Variants in RFX6 observed in about 807,000 individuals in gnomAD.
RFX6 encodes the protein regulatory factor X6.
Under a neutral mutation model 110.8 loss-of-function variants are expected in RFX6, and 50 were observed. The ratio of observed to expected loss-of-function variants is 0.45; its 90% CI spans 0.36 to 0.57. The LOEUF (loss-of-function observed/expected upper bound fraction) is 0.57. Among genes scored for constraint, RFX6 ranks in the 20% least tolerant of loss-of-function variants. RFX6 has a pLI of 0.00. For synonymous variants in RFX6, 383 were observed against 411.2 expected (o/e 0.93, Z 0.83); for missense variants, 990 against 1,127.0 (o/e 0.88, Z 1.74).
chr6:116,919,409 C>T, intron 11 of RFX6, 113 bp downstream of exon 11: 5 of 932,702 alleles, frequency 5.4e-6, no homozygotes, highest in South Asian at 5.3e-5. Flanking sequence ...TAGACAACAA[C>T]TAAATGCAAC....
chr6:116,890,535 T>G (rs1376407081), intron 4 of RFX6, among the ~76,000 whole-genome samples: 1 of 151,944 alleles, frequency 6.6e-6, no homozygotes, highest in African/African-American at 2.4e-5. Flanking sequence ...AAAAAAAGAG[T>G]GTACTCTTTC....
At chr6:116,910,837 G>C (rs976351177) in intron 6 of RFX6, 98 bp from the exon 7 acceptor site, 6 of 883,328 alleles carry the variant, frequency 6.8e-6, no homozygotes, top group African/African-American at 3.3e-5. Flanking sequence ...GCAGGATGAA[G>C]AAGAATGAAA....
chr6:116,927,965 A>G (rs1775785845), intron 17 of RFX6, among the ~76,000 whole-genome samples: 1 of 151,856 alleles, frequency 6.6e-6, no homozygotes, highest in Non-Finnish European at 1.5e-5. Flanking sequence ...GCTGGTCTCA[A>G]ACTACCAACT....
rs372949038 is a variant in RFX6 at position 116,912,763 on chromosome 6, A to G, written c.780+1721A>G. ...AAGGAGAGGTGAGAAACAGGCTCCA[A>G]TAGTTTACCTCAATAGTTTGCTGGG... On this transcript the variant is annotated intron_variant, in intron 7 of 18. Transcript: ENST00000332958. 2.2e-4 allele frequency among the ~76,000 whole-genome samples: 33 copies of G among 152,324 alleles called. No homozygotes were observed. The South Asian group carries it at 5.4e-3, about 25-fold the overall frequency.
chr6:116,891,576 A>T (rs1774832617), intron 4 of RFX6, among the ~76,000 whole-genome samples: 1 of 152,218 alleles, frequency 6.6e-6, no homozygotes, highest in Non-Finnish European at 1.5e-5. Context: ...GTTTTCAAAC[A>T]TTATTTGATT....
At chr6:116,911,359 AG>A (rs1360623739) in intron 7 of RFX6, among the ~76,000 whole-genome samples, 1 of 152,198 alleles carries the variant, frequency 6.6e-6, no homozygotes, top group Non-Finnish European at 1.5e-5. Flanking sequence ...TTCAGTTAAA[AG>A]TTTTATGTTT....
intron 6 of RFX6, among the ~76,000 whole-genome samples, chr6:116,901,481 A>G (rs953262585): frequency 2.6e-5 from 4 of 152,224 alleles, no homozygotes; most frequent in African/African-American, 9.6e-5. Flanking sequence ...ATATGTATAG[A>G]ATTCAAGTCA....
Position 116,882,406 on chromosome 6 carries a change from C to G in RFX6, c.544C>G (p.Leu182Val). ...QKFPLLTTRR[L>V]GTRGHSKYHY... ...GTTTCCCCTCCTAACAACAAGGCGGCTTGGAACAAGAGGCCATTCAAAGTA... is the reference window on the plus strand; with the variant it reads ...GTTTCCCCTCCTAACAACAAGGCGGGTTGGAACAAGAGGCCATTCAAAGTA... The change falls in exon 4 of 19, where the codon CTT (leucine) becomes GTT (valine). Residue 182 changes from leucine to valine, a missense_variant. Around this residue, in one of 5 missense-constraint regions of RFX6, gnomAD observed 243 missense variants for 353.1 expected, o/e 0.69. Transcript: ENST00000332958. 1 of 1,612,652 alleles carries G rather than the reference C, an allele frequency of 6.2e-7. No homozygotes were observed. The highest frequency in any genetic ancestry group is 8.5e-7 in the Non-Finnish European group (1 of 1,178,856).
chr6:116,907,891 A>G (rs1388043186), intron 6 of RFX6, among the ~76,000 whole-genome samples: 1 of 152,046 alleles, frequency 6.6e-6, no homozygotes. Context: ...TTTTCTTCAT[A>G]TATTTTGATT....
chr6:116,895,240 G>T (rs1774918460), intron 6 of RFX6, 33 bp downstream of exon 6: 2 of 1,182,918 alleles, frequency 1.7e-6, no homozygotes, highest in Non-Finnish European at 2.5e-6. Context: ...TTTTACATCT[G>T]CTATAATATG....
Position 116,894,105 on chromosome 6 carries a change from TTTAAATATGCATGATACCTA to T in RFX6, c.644+44_644+63del, listed in dbSNP as rs760535164. On this transcript the variant is annotated intron_variant, in intron 5 of 18. Coordinates refer to ENST00000332958, the MANE Select transcript of RFX6 (RefSeq NM_173560.4). ...CTTCAAGACAAATTCTCTGTGTTTCTTTAAATATGCATGATACCTATTGAATAAAATGATTTCTTAATTTT... is the reference window on the plus strand; with the variant it reads ...CTTCAAGACAAATTCTCTGTGTTTCTTTGAATAAAATGATTTCTTAATTTT... 5.9e-6 allele frequency: 6 copies of T among 1,019,250 alleles called. No homozygotes were observed. The East Asian group carries it at 1.4e-4, about 24-fold the overall frequency. The allele number at this position is 1,019,250 out of a possible 1,614,324, so 63.1% of individuals were successfully genotyped here. A position where few individuals can be genotyped will look rare whatever the true frequency, so the allele number is the denominator to read the frequency against.
At chr6:116,907,483 C>T (rs1775231838) in intron 6 of RFX6, among the ~76,000 whole-genome samples, 1 of 152,090 alleles carries the variant, frequency 6.6e-6, no homozygotes. Context: ...GAAGCCAACT[C>T]TGGGGCTTTT....
At chr6:116,915,922 T>G in intron 7 of RFX6, 86 bp from the exon 8 acceptor site, 1 of 977,398 alleles carries the variant, frequency 1.0e-6, no homozygotes, top group South Asian at 1.3e-5. Context: ...TAATAGGATC[T>G]TTTAAAAAAT....
Position 116,925,457 on chromosome 6 carries a change from G to A in RFX6, c.1683G>A (p.Ala561=), listed in dbSNP as rs370780926. 1.5e-5 allele frequency: 24 copies of A among 1,613,226 alleles called. No homozygotes were observed. Among genetic ancestry groups the A allele is most frequent in the East Asian group, 6.7e-5 (3 of 44,888 alleles). The change falls in exon 16 of 19, where the codon GCG becomes GCA. Residue 561 remains alanine, a synonymous_variant. Coordinates refer to ENST00000332958, the MANE Select transcript of RFX6 (RefSeq NM_173560.4). ...CATTTTAAAAACTCTTTCCAGATGC[G>A]AGTAAAGCTGCTTTCACTGCTTCTC... is the stretch of plus-strand genomic sequence containing the variant. The part of the protein sequence containing the change: ...LLDKYMKNSD[A]SKAAFTASPS...
At chr6:116,889,495 C>G (rs1774773889) in intron 4 of RFX6, among the ~76,000 whole-genome samples, 1 of 151,946 alleles carries the variant, frequency 6.6e-6, no homozygotes, top group Non-Finnish European at 1.5e-5. Flanking sequence ...TCAGGGAGTT[C>G]AGGAGTTTTG....
chr6:116,903,002 C>T (rs1356717284), intron 6 of RFX6, among the ~76,000 whole-genome samples: 1 of 151,938 alleles, frequency 6.6e-6, no homozygotes, highest in African/African-American at 2.4e-5. Flanking sequence ...CCCAAGAGTA[C>T]CGAAGTTATC....
chr6:116,924,797 TTAAAA>T lies in RFX6; in HGVS notation c.1678+10_1678+14del, dbSNP rs750890943. 148 of 1,561,280 alleles carry T rather than the reference TTAAAA, an allele frequency of 9.5e-5. 2 individuals are homozygous for T. The South Asian group carries it at 1.1e-3, about 11-fold the overall frequency. Reference sequence around the variant, plus strand: ...CAAGTATATGAAGAATTCAGGTAACTTAAAATAACTGTTTTGTTTTGCATATTTCT... The same window carrying T: ...CAAGTATATGAAGAATTCAGGTAACTTAACTGTTTTGTTTTGCATATTTCT... On this transcript the variant is annotated splice_region_variant and intron_variant, in intron 15 of 18. Transcript: ENST00000332958.
intron 6 of RFX6, among the ~76,000 whole-genome samples, chr6:116,902,000 CT>C (rs1423293345): frequency 6.6e-6 from 1 of 152,022 alleles, no homozygotes; most frequent in African/African-American, 2.4e-5. Flanking sequence ...TGCTATACTG[CT>C]TTGGGTATGA....
intron 18 of RFX6, among the ~76,000 whole-genome samples, chr6:116,930,899 T>C (rs1461422675): frequency 1.3e-5 from 2 of 152,080 alleles, no homozygotes; most frequent in Non-Finnish European, 2.9e-5. Flanking sequence ...AGTGAAAGTT[T>C]GATCTACTCT....
Sources: allele counts gnomAD v4.1 joint callset (sites outside exome capture counted in the v4.1 genomes callset), GRCh38; gene constraint gnomAD v4.1.1; regional missense constraint gnomAD v4.1.1; transcripts MANE v1.5; gene names NCBI Gene and HGNC (gene_info 2026-07-23, HGNC 2026-07-21).